ZNF257: variants seen among roughly 807,000 people sequenced by gnomAD.
ZNF257 encodes zinc finger protein 257.
ZNF257 carries 12 observed loss-of-function variants against 11.9 expected under a neutral mutation model. The observed-to-expected ratio is 1.01, with a 90% CI of 0.65 to 1.63. ZNF257 has a LOEUF of 1.63. ZNF257 is among the 40% of genes most tolerant of loss of function. ZNF257 has a pLI of 0.00. For synonymous variants in ZNF257, 183 were observed against 222.7 expected (o/e 0.82, Z 1.59); for missense variants, 580 against 665.5 (o/e 0.87, Z 1.41).
intron 1 of ZNF257, among the ~76,000 whole-genome samples, chr19:22,053,701 G>A (rs6511315): frequency 0.24 from 36,144 of 152,022 alleles, 5,849 homozygotes; most frequent in African/African-American, 0.46. Flanking sequence ...CCAGGCGGGC[G>A]GATCACTTGA....
intron 1 of ZNF257, among the ~76,000 whole-genome samples, chr19:22,060,133 C>A (rs2021755161): frequency 6.6e-6 from 1 of 152,180 alleles, no homozygotes; most frequent in South Asian, 2.1e-4. Flanking sequence ...GTGCATGTGT[C>A]ATGATGGAAT....
chr19:22,081,864 G>A (rs1402205793), intron 3 of ZNF257, among the ~76,000 whole-genome samples: 1 of 151,984 alleles, frequency 6.6e-6, no homozygotes, highest in Non-Finnish European at 1.5e-5. Context: ...TTGAAGAAAT[G>A]TTTCTATTAC....
At chr19:22,056,054 CAAAA>C (rs139730834) in intron 1 of ZNF257, among the ~76,000 whole-genome samples, 2 of 116,652 alleles carry the variant, frequency 1.7e-5, no homozygotes, top group Admixed American at 8.8e-5. Flanking sequence ...GACTCCGTCT[CAAAA>C]AAAAAAAAAA....
chr19:22,069,675 T>C (rs1160026589), intron 1 of ZNF257, among the ~76,000 whole-genome samples: 3 of 152,282 alleles, frequency 2.0e-5, no homozygotes, highest in Non-Finnish European at 4.4e-5. Context: ...CCTGAAGGGA[T>C]GTTTATGGAC....
chr19:22,084,252 C>T (rs758415617), intron 3 of ZNF257, among the ~76,000 whole-genome samples: 2 of 151,726 alleles, frequency 1.3e-5, no homozygotes, highest in Non-Finnish European at 1.5e-5. Flanking sequence ...ATTGGCTTTC[C>T]GTAACAATGC....
At chr19:22,075,439 A>C (rs550803673) in intron 3 of ZNF257, 1 of 152,424 alleles carries the variant, frequency 6.6e-6, no homozygotes, top group Non-Finnish European at 1.5e-5. Flanking sequence ...TTCAGGCACC[A>C]CATTAAAAGC....
Position 22,073,498 on chromosome 19 carries a change from A to G in ZNF257, c.160A>G (p.Thr54Ala). The change falls in exon 3 of 4, where the codon ACC becomes GCC. Residue 54 changes from threonine to alanine, a missense_variant. Transcript: ENST00000594947. ...TGCTGTCTCTAAGCCAGACCTGATCACCTGTCTGGAGCAAGGAAAAGAGCC... is the reference window on the plus strand; with the variant it reads ...TGCTGTCTCTAAGCCAGACCTGATCGCCTGTCTGGAGCAAGGAAAAGAGCC... The part of the protein sequence containing the change: ...GIAVSKPDLI[T>A]CLEQGKEPCN... The G allele has an allele frequency of 6.2e-7, 1 of 1,612,036 alleles. No individual in the cohort carries two copies. The highest frequency in any genetic ancestry group is 8.5e-7 in the Non-Finnish European group (1 of 1,179,182).
chr19:22,088,292 C>G lies in ZNF257; in HGVS notation c.542C>G (p.Ser181Ter). The change falls in exon 4 of 4, where the codon TCA becomes TGA. Residue 181 changes from serine to a stop codon, truncating the protein, a stop_gained. Coordinates refer to ENST00000594947, the MANE Select transcript of ZNF257 (RefSeq NM_033468.4). LOFTEE classifies it low-confidence loss of function (END_TRUNC). ...KTCKCKECGK[S>*]FCMLSQLTRH... ...TGCAAATGTAAAGAATGTGGCAAAT[C>G]ATTTTGCATGCTTTCACAACTAACT... The G allele has an allele frequency of 1.2e-6, 2 of 1,613,628 alleles. No homozygotes were observed. Among genetic ancestry groups the G allele is most frequent in the Non-Finnish European group, 1.7e-6 (2 of 1,179,768 alleles).
At position 22,088,568 on chromosome 19, in the gene ZNF257, C is replaced by T. The variant is rs753599772; in HGVS notation, c.818C>T (p.Thr273Ile). 19 of 1,613,138 alleles carry T rather than the reference C, an allele frequency of 1.2e-5. No individual in the cohort carries two copies. The highest frequency in any genetic ancestry group is 6.7e-5 in the Admixed American group (4 of 59,910). The change falls in exon 4 of 4, where the codon ACT (threonine) becomes ATT (isoleucine). Residue 273 changes from threonine to isoleucine, a missense_variant. Thr to Ile is a moderately conservative substitution (Grantham distance 89). Transcript: ENST00000594947. Reference protein sequence around the residue: ...GKAFNRSSHITQHKRIHNREK... With the variant: ...GKAFNRSSHIIQHKRIHNREK... ...GCCTTTAACCGGTCTTCACACATTA[C>T]TCAACATAAGAGAATTCATAATAGA... is the stretch of plus-strand genomic sequence containing the variant.
Position 22,088,609 on chromosome 19 carries a change from T to C in ZNF257, c.859T>C (p.Tyr287His), listed in dbSNP as rs754605644. The change falls in exon 4 of 4, where the codon TAT becomes CAT. Residue 287 changes from tyrosine (Y) to histidine (H), a missense_variant. Physicochemically the swap from Tyr to His is moderately conservative, Grantham distance 83. Coordinates refer to ENST00000594947, the MANE Select transcript of ZNF257 (RefSeq NM_033468.4). Reference protein sequence around the residue: ...RIHNREKPFKYDECCKAFKWS... With the variant: ...RIHNREKPFKHDECCKAFKWS... The stretch of plus-strand genomic sequence containing the variant: ...TCATAATAGAGAGAAGCCCTTCAAA[T>C]ATGATGAATGTTGCAAAGCCTTTAA... The C allele has an allele frequency of 2.2e-5, 35 of 1,612,772 alleles. No homozygotes were observed. The highest frequency in any genetic ancestry group is 3.0e-5 in the Non-Finnish European group (35 of 1,179,762).
chr19:22,076,454 A>G (rs11666312), intron 3 of ZNF257, among the ~76,000 whole-genome samples: 1,756 of 152,184 alleles, frequency 0.012, 18 homozygotes, highest in Non-Finnish European at 0.019. Flanking sequence ...ATTGTTTCTC[A>G]TTAAAATCTT....
chr19:22,087,232 T>TA (rs879655185), intron 3 of ZNF257, among the ~76,000 whole-genome samples: 3,391 of 146,484 alleles, frequency 0.023, 109 homozygotes, highest in African/African-American at 0.079. Context: ...CTGGGACATT[T>TA]AAAAAAAAAA....
At chr19:22,059,846 C>G (rs746594853) in intron 1 of ZNF257, among the ~76,000 whole-genome samples, 16 of 151,808 alleles carry the variant, frequency 1.1e-4, no homozygotes, top group Non-Finnish European at 2.1e-4. Context: ...CCTCAGCCCC[C>G]CAAGTAGCTG....
chr19:22,063,850 C>T (rs2021869909), intron 1 of ZNF257, among the ~76,000 whole-genome samples: 1 of 152,112 alleles, frequency 6.6e-6, no homozygotes, highest in African/African-American at 2.4e-5. Flanking sequence ...ACATAGAGTT[C>T]TGTAGATATC....
At position 22,089,166 on chromosome 19, in the gene ZNF257, A is replaced by C. The variant is rs1318829485; in HGVS notation, c.1416A>C (p.Ser472=). The change falls in exon 4 of 4, where the codon TCA becomes TCC. Residue 472 remains serine, a synonymous_variant. Transcript: ENST00000594947. ...EECGKAFNQS[S]HLTQHKIIHT... is the part of the protein sequence containing the mutation. ...GTGGCAAAGCCTTTAACCAGTCTTC[A>C]CACCTTACTCAACATAAAATAATTC... 6.2e-7 allele frequency: 1 copy of C among 1,613,744 alleles called. No homozygotes were observed. The highest frequency in any genetic ancestry group is 2.2e-5 in the East Asian group (1 of 44,836).
intron 1 of ZNF257, among the ~76,000 whole-genome samples, chr19:22,069,930 A>T (rs1377770048): frequency 1.3e-5 from 2 of 152,134 alleles, no homozygotes; most frequent in Admixed American, 6.5e-5. Context: ...CAAATTCTAC[A>T]TAGGCTCCAC....
chr19:22,073,020 G>A, intron 2 of ZNF257, 85 bp downstream of exon 2: 3 of 1,328,856 alleles, frequency 2.3e-6, no homozygotes, highest in South Asian at 1.7e-5. Flanking sequence ...AATGTTTTTT[G>A]GTAATTTGGT....
In ZNF257 at chr19:22,073,511, A is replaced by G; in HGVS notation, c.173A>G (p.Gln58Arg). 6.2e-7 allele frequency: 1 copy of G among 1,612,264 alleles called. No homozygotes were observed. Among genetic ancestry groups the G allele is most frequent in the Non-Finnish European group, 8.5e-7 (1 of 1,179,254 alleles). ...SKPDLITCLE[Q>R]GKEPCNMKRH... Reference sequence around the variant, plus strand: ...CCAGACCTGATCACCTGTCTGGAGCAAGGAAAAGAGCCCTGTAATATGAAG... The same window carrying G: ...CCAGACCTGATCACCTGTCTGGAGCGAGGAAAAGAGCCCTGTAATATGAAG... Residue 58 changes from glutamine to arginine, a missense_variant, in exon 3 of 4, where the codon CAA becomes CGA. Gln to Arg is a conservative substitution (Grantham distance 43). Coordinates refer to ENST00000594947, the MANE Select transcript of ZNF257 (RefSeq NM_033468.4).
chr19:22,053,765 A>G (rs1414855238), intron 1 of ZNF257, among the ~76,000 whole-genome samples: 1 of 151,998 alleles, frequency 6.6e-6, no homozygotes, highest in Non-Finnish European at 1.5e-5. Context: ...GCCTCTACTA[A>G]CAATACAAAA....
Sources: allele counts gnomAD v4.1 joint callset (sites outside exome capture counted in the v4.1 genomes callset), GRCh38; gene constraint gnomAD v4.1.1; transcripts MANE v1.5; gene names NCBI Gene and HGNC (gene_info 2026-07-23, HGNC 2026-07-21).